SLC33A1: variants seen among roughly 807,000 people sequenced by gnomAD.
SLC33A1 encodes solute carrier family 33 member 1.
In SLC33A1, 20 loss-of-function variants were observed where a neutral mutation model predicts 50.0. The ratio of observed to expected loss-of-function variants is 0.40; its 90% CI spans 0.28 to 0.58. SLC33A1 has a LOEUF of 0.58. SLC33A1 is among the 20% of genes least tolerant of loss of function. The probability of loss-of-function intolerance (pLI) is 0.44; values close to 1 mark genes in which losing one functional copy is unlikely to be tolerated. For missense variants in SLC33A1, 476 were observed against 657.0 expected, an observed-to-expected ratio of 0.72 and a Z score of 3.01; for synonymous variants, 265 against 251.8, an observed-to-expected ratio of 1.05 and a Z score of -0.50.
chr3:155,835,127 C>T (rs2109315324), intron 2 of SLC33A1, among the ~76,000 whole-genome samples: 1 of 152,222 alleles, frequency 6.6e-6, no homozygotes, highest in East Asian at 1.9e-4. Flanking sequence ...TTAGGAAATA[C>T]ATACTTAAGG....
In SLC33A1 at chr3:155,823,274, C is replaced by T. The variant is rs1752130624; in HGVS notation, c.*4936G>A. 6.6e-6 allele frequency: 1 copy of T among 152,144 alleles called. No individual in the cohort carries two copies. Among genetic ancestry groups the T allele is most frequent in the Non-Finnish European group, 1.5e-5 (1 of 68,026 alleles). The allele number at this position is 152,144 out of a possible 1,614,324, so 9.4% of individuals were successfully genotyped here. On this transcript the variant is annotated 3_prime_UTR_variant, in exon 6 of 6. Coordinates refer to ENST00000643144, the MANE Select transcript of SLC33A1 (RefSeq NM_004733.4). Reference sequence around the variant, plus strand: ...AAATTGGGGAAGTAACATGAAGACTCTAATAGTGGTTTGACTGGTAGAAAA... The same window carrying T: ...AAATTGGGGAAGTAACATGAAGACTTTAATAGTGGTTTGACTGGTAGAAAA...
intron 4 of SLC33A1, among the ~76,000 whole-genome samples, chr3:155,831,990 C>T (rs186159625): frequency 6.6e-6 from 1 of 152,324 alleles, no homozygotes; most frequent in African/African-American, 2.4e-5. Flanking sequence ...CAAAGTGACT[C>T]AGAAATATGC....
At position 155,854,216 on chromosome 3, in the gene SLC33A1, T is replaced by C. The variant is rs1464186747; in HGVS notation, c.-219A>G. ...GAGGCCCAGAGGATGCCTGGATAGG[T>C]GCCCCCTGGAACGGCGTCAAAGAGC... On this transcript the variant is annotated 5_prime_UTR_variant, in exon 1 of 6. Coordinates refer to ENST00000643144, the MANE Select transcript of SLC33A1 (RefSeq NM_004733.4). 4.8e-6 allele frequency: 2 copies of C among 416,162 alleles called. No homozygotes were observed. Among genetic ancestry groups the C allele is most frequent in the Non-Finnish European group, 8.5e-6 (2 of 234,528 alleles). The allele number at this position is 416,162 out of a possible 1,614,324, so 25.8% of individuals were successfully genotyped here. A position where few individuals can be genotyped will look rare whatever the true frequency, so the allele number is the denominator to read the frequency against.
chr3:155,853,989 G>C lies in SLC33A1; in HGVS notation c.9C>G (p.Pro3=). The change falls in exon 1 of 6, where the codon CCC becomes CCG. Residue 3 remains proline (P), a synonymous_variant. Transcript: ENST00000643144. MS[P]TISHKDSSRQ... is the part of the protein sequence containing the mutation. ...GGCTGCTGTCCTTGTGGGAGATGGT[G>C]GGTGACATATCAGAGACGATGCAGA... is the stretch of plus-strand genomic sequence containing the variant. 6.5e-7 allele frequency: 1 copy of C among 1,546,076 alleles called. No homozygotes were observed. Among genetic ancestry groups the C allele is most frequent in the South Asian group, 1.3e-5 (1 of 78,670 alleles).
intron 2 of SLC33A1, among the ~76,000 whole-genome samples, chr3:155,838,741 T>C (rs1577466126): frequency 6.6e-6 from 1 of 151,844 alleles, no homozygotes; most frequent in African/African-American, 2.4e-5. Context: ...TTCTAACTAC[T>C]TGAGAGGCTG....
chr3:155,822,493 A>G lies in SLC33A1; in HGVS notation c.*5717T>C, dbSNP rs908128837. 2 of 151,334 alleles carry G rather than the reference A, an allele frequency of 1.3e-5. No homozygotes were observed. Among genetic ancestry groups the G allele is most frequent in the Non-Finnish European group, 2.9e-5 (2 of 67,992 alleles). The allele number at this position is 151,334 out of a possible 1,614,324, so 9.4% of individuals were successfully genotyped here. On this transcript the variant is annotated 3_prime_UTR_variant, in exon 6 of 6. Transcript: ENST00000643144. The stretch of plus-strand genomic sequence containing the variant: ...CAGCTAATGGAGAGGCTGAGGAAGG[A>G]GAATCACTTGAACCCAGCAGGCAGA...
intron 1 of SLC33A1, among the ~76,000 whole-genome samples, chr3:155,847,625 GTAA>G (rs1474729922): frequency 6.6e-6 from 1 of 151,942 alleles, no homozygotes; most frequent in African/African-American, 2.4e-5. Context: ...GCGTGTGCCT[GTAA>G]TCCCAGCTAC....
Position 155,853,327 on chromosome 3 carries a change from C to T in SLC33A1, c.671G>A (p.Gly224Asp). ...STCNSVGQTA[G>D]YFLGNVLFLA... is the part of the protein sequence containing the mutation. ...AAACAAAACATTGCCCAAAAAGTAA[C>T]CCGCTGTTTGGCCCACCGAATTGCA... Residue 224 changes from glycine (G) to aspartate (D), a missense_variant, in exon 1 of 6, where the codon GGT becomes GAT. Gly to Asp is a moderately conservative substitution (Grantham distance 94). Transcript: ENST00000643144. 1 of 1,614,018 alleles carries T rather than the reference C, an allele frequency of 6.2e-7. No individual in the cohort carries two copies. Among genetic ancestry groups the T allele is most frequent in the Non-Finnish European group, 8.5e-7 (1 of 1,180,012 alleles).
chr3:155,836,280 CAAAAAAAAAAAAAA>C (rs57460942), intron 2 of SLC33A1, among the ~76,000 whole-genome samples: 63 of 27,166 alleles, frequency 2.3e-3, no homozygotes, highest in Middle Eastern at 0.077. Context: ...GAGACTCTGT[CAAAAAAAAAAAAAA>C]AAAAAAAAAA....
chr3:155,836,078 A>G (rs1366089576), intron 2 of SLC33A1, among the ~76,000 whole-genome samples: 1 of 150,980 alleles, frequency 6.6e-6, no homozygotes, highest in Non-Finnish European at 1.5e-5. Context: ...AGGTCAGGAG[A>G]TTTGAGACCA....
At chr3:155,842,116 TAAG>T (rs2107979750) in intron 2 of SLC33A1, among the ~76,000 whole-genome samples, 1 of 152,312 alleles carries the variant, frequency 6.6e-6, no homozygotes, top group African/African-American at 2.4e-5. Context: ...ATACTCATTA[TAAG>T]AAGACAGAGC....
At chr3:155,834,619 G>T (rs1208329637) in intron 2 of SLC33A1, among the ~76,000 whole-genome samples, 2 of 152,096 alleles carry the variant, frequency 1.3e-5, no homozygotes, top group Non-Finnish European at 2.9e-5. Context: ...ATTAAATTAA[G>T]ATTATTTAGA....
chr3:155,853,139 T>C (rs2108015801), intron 1 of SLC33A1, 84 bp downstream of exon 1: 9 of 1,243,732 alleles, frequency 7.2e-6, no homozygotes, highest in Non-Finnish European at 9.4e-6. Flanking sequence ...TGATTTCCAG[T>C]AAATTAATGA....
At chr3:155,838,463 C>T (rs1752789488) in intron 2 of SLC33A1, among the ~76,000 whole-genome samples, 1 of 151,732 alleles carries the variant, frequency 6.6e-6, no homozygotes, top group Non-Finnish European at 1.5e-5. Flanking sequence ...GGCAGATTGC[C>T]TGAGCTCAGG....
chr3:155,844,294 A>G (rs75533483), intron 1 of SLC33A1, among the ~76,000 whole-genome samples: 1,652 of 151,876 alleles, frequency 0.011, 19 homozygotes, highest in Middle Eastern at 0.041. Context: ...GAGGAAAAGA[A>G]ACTCAGAATA....
At position 155,853,854 on chromosome 3, in the gene SLC33A1, G is replaced by C. The variant is rs764692065; in HGVS notation, c.144C>G (p.Asp48Glu). 1 of 1,590,874 alleles carries C rather than the reference G, an allele frequency of 6.3e-7. No homozygotes were observed. Among genetic ancestry groups the C allele is most frequent in the Non-Finnish European group, 8.6e-7 (1 of 1,168,030 alleles). The change falls in exon 1 of 6, where the codon GAC becomes GAG. Residue 48 changes from aspartate to glutamate, a missense_variant. Coordinates refer to ENST00000643144, the MANE Select transcript of SLC33A1 (RefSeq NM_004733.4). ...CGGTATCCCCCAGAAGAGCTTCTCT[G>C]TCCCCTTCCCGGCCCGCTGAGTCCA... ...SHLDSAGREG[D>E]REALLGDTGT... is the part of the protein sequence containing the mutation.
intron 2 of SLC33A1, among the ~76,000 whole-genome samples, chr3:155,840,843 G>A (rs1752906453): frequency 6.6e-6 from 1 of 151,874 alleles, no homozygotes; most frequent in Non-Finnish European, 1.5e-5. Flanking sequence ...AAAATTAGCT[G>A]GGCATGGTGG....
chr3:155,849,165 T>A (rs1024942034), intron 1 of SLC33A1, among the ~76,000 whole-genome samples: 1 of 152,108 alleles, frequency 6.6e-6, no homozygotes, highest in African/African-American at 2.4e-5. Flanking sequence ...TCTGCCCACC[T>A]CAGCCTCCCA....
intron 4 of SLC33A1, among the ~76,000 whole-genome samples, chr3:155,830,224 A>T (rs1752365353): frequency 1.3e-5 from 2 of 149,572 alleles, no homozygotes; most frequent in Non-Finnish European, 1.5e-5. Context: ...AAAAAAAAAA[A>T]TAGCCGGATG....
Sources: allele counts gnomAD v4.1 joint callset (sites outside exome capture counted in the v4.1 genomes callset), GRCh38; gene constraint gnomAD v4.1.1; transcripts MANE v1.5; gene names NCBI Gene and HGNC (gene_info 2026-07-23, HGNC 2026-07-21).